The following CNTNAP3B variants were observed in gnomAD, a reference collection of about 807,000 sequenced individuals.
The protein encoded by CNTNAP3B is contactin associated protein family member 3B.
Under a neutral mutation model 108.9 loss-of-function variants are expected in CNTNAP3B, and 25 were observed. That is an observed-to-expected ratio of 0.23 (90% CI 0.17 to 0.32). The LOEUF is 0.32. Among genes scored for constraint, CNTNAP3B ranks in the 10% least tolerant of loss-of-function variants. The pLI, the probability that CNTNAP3B is intolerant of heterozygous loss-of-function variation, is 1.00. For missense variants in CNTNAP3B, 252 were observed against 1,210.4 expected, an observed-to-expected ratio of 0.21 and a Z score of 11.75; for synonymous variants, 103 against 473.4, an observed-to-expected ratio of 0.22 and a Z score of 10.16.
At chr9:41,963,623 C>A (rs1825173147) in intron 11 of CNTNAP3B, among the ~76,000 whole-genome samples, 1 of 151,670 alleles carries the variant, frequency 6.6e-6, no homozygotes, top group Admixed American at 6.6e-5. Context: ...GGGGCCCCAT[C>A]TCCAGCGATT....
chr9:42,106,384 C>A lies in CNTNAP3B; in HGVS notation c.86-1645G>T, dbSNP rs1194495041. Among the ~76,000 whole-genome samples, 3 of 87,700 alleles carry A rather than the reference C, an allele frequency of 3.4e-5. 1 individual carries two copies. Among genetic ancestry groups the A allele is most frequent in the African/African-American group, 1.3e-4 (3 of 22,660 alleles). The allele number at this position is 87,700 out of a possible 152,430, so 57.5% of individuals were successfully genotyped here. ...GACACTGGAATTTGTGATTTTTTTA[C>A]ATACAAAGAGCAGCATAATCTAGCT... On this transcript the variant is annotated intron_variant, in intron 1 of 23. Transcript: ENST00000377561.
chr9:42,034,300 G>A lies in CNTNAP3B; in HGVS notation c.391-20775C>T, dbSNP rs998485926. Reference sequence around the variant, plus strand: ...CTTTCCTCTACTCCTGAATGCCTTCGGCACCTCTCTCCAGGAAAGAGAAAT... The same window carrying A: ...CTTTCCTCTACTCCTGAATGCCTTCAGCACCTCTCTCCAGGAAAGAGAAAT... On this transcript the variant is annotated intron_variant, in intron 3 of 23. Coordinates refer to ENST00000377561, the MANE Select transcript of CNTNAP3B (RefSeq NM_001201380.3). Among the ~76,000 whole-genome samples, 107 of 110,988 alleles carry A rather than the reference G, an allele frequency of 9.6e-4. 3 individuals carry two copies. Among genetic ancestry groups the A allele is most frequent in the Non-Finnish European group, 1.6e-3 (88 of 54,974 alleles). The allele number at this position is 110,988 out of a possible 152,430, so 72.8% of individuals were successfully genotyped here. A position where few individuals can be genotyped will look rare whatever the true frequency, so the allele number is the denominator to read the frequency against.
chr9:41,925,794 CT>C (rs1167804361), intron 15 of CNTNAP3B, among the ~76,000 whole-genome samples: 12 of 151,996 alleles, frequency 7.9e-5, no homozygotes, highest in South Asian at 2.1e-4. Flanking sequence ...CCTTTTTCAG[CT>C]TTTTTTTTCC....
intron 2 of CNTNAP3B, among the ~76,000 whole-genome samples, chr9:42,096,499 G>C (rs1231539661): frequency 1.5e-5 from 2 of 136,266 alleles, no homozygotes; most frequent in Non-Finnish European, 3.1e-5. Flanking sequence ...TCTCTACACA[G>C]AGGACTCAAG....
At chr9:42,029,703 G>T (rs1170115827) in intron 3 of CNTNAP3B, among the ~76,000 whole-genome samples, 2 of 121,706 alleles carry the variant, frequency 1.6e-5, no homozygotes, top group Non-Finnish European at 3.4e-5. Context: ...GCTAATTGTT[G>T]TATTTTTGGT....
chr9:41,952,119 G>GA (rs1824707229), intron 13 of CNTNAP3B, among the ~76,000 whole-genome samples: 1 of 152,276 alleles, frequency 6.6e-6, no homozygotes, highest in African/African-American at 2.4e-5. Context: ...TGATTGGCCA[G>GA]ACGGACTAGG....
At chr9:41,947,963 A>G (rs1824572352) in intron 13 of CNTNAP3B, among the ~76,000 whole-genome samples, 1 of 151,472 alleles carries the variant, frequency 6.6e-6, no homozygotes, top group African/African-American at 2.4e-5. Context: ...ACCACAATTC[A>G]CCTAACATGA....
chr9:41,954,089 C>A (rs1311671465), intron 12 of CNTNAP3B, among the ~76,000 whole-genome samples: 2 of 152,194 alleles, frequency 1.3e-5, no homozygotes, highest in Non-Finnish European at 1.5e-5. Context: ...GTGTTCCCAA[C>A]AATGGACCTC....
intron 2 of CNTNAP3B, among the ~76,000 whole-genome samples, chr9:42,101,962 A>C (rs57179628): frequency 0.79 from 62,921 of 79,350 alleles, 29,380 homozygotes; most frequent in Non-Finnish European, 0.86. Context: ...GAGGCTGAGG[A>C]AGGTGAATCA....
chr9:42,061,428 C>T lies in CNTNAP3B; in HGVS notation c.390+15441G>A, dbSNP rs577269232. 2.1e-4 allele frequency among the ~76,000 whole-genome samples: 29 copies of T among 135,758 alleles called. 1 individual carries two copies. In the East Asian group the frequency reaches 4.6e-3, roughly 22 times the overall value. 89.1% of individuals were successfully genotyped at this position (135,758 alleles called of 152,430 possible). On this transcript the variant is annotated intron_variant, in intron 3 of 23. Transcript: ENST00000377561. Reference sequence around the variant, plus strand: ...TACCTCCTGGGCTCAAGCAATTCCCCTACCTCAGCCTCCCGAGTAGCTGGG... The same window carrying T: ...TACCTCCTGGGCTCAAGCAATTCCCTTACCTCAGCCTCCCGAGTAGCTGGG...
intron 14 of CNTNAP3B, among the ~76,000 whole-genome samples, chr9:41,935,927 C>T (rs530735430): frequency 5.2e-5 from 8 of 152,406 alleles, no homozygotes; most frequent in Non-Finnish European, 8.8e-5. Flanking sequence ...CTCAGTTCCT[C>T]CCATCCCCTC....
At chr9:41,955,647 G>T (rs1186145780) in intron 12 of CNTNAP3B, among the ~76,000 whole-genome samples, 1 of 152,276 alleles carries the variant, frequency 6.6e-6, no homozygotes, top group African/African-American at 2.4e-5. Context: ...TTGGACCTGA[G>T]TAGATTAATT....
intron 3 of CNTNAP3B, among the ~76,000 whole-genome samples, chr9:42,042,035 A>G (rs1293734572): frequency 3.1e-5 from 4 of 129,314 alleles, no homozygotes; most frequent in Non-Finnish European, 4.9e-5. Flanking sequence ...GAATTGAACA[A>G]TGAGAACACT....
At chr9:41,962,213 A>G (rs1825120233) in intron 11 of CNTNAP3B, among the ~76,000 whole-genome samples, 1 of 152,234 alleles carries the variant, frequency 6.6e-6, no homozygotes, top group Non-Finnish European at 1.5e-5. Context: ...GTTGCACATA[A>G]TTGATACATG....
chr9:41,969,640 C>A (rs1466051443), intron 10 of CNTNAP3B, among the ~76,000 whole-genome samples: 1 of 152,094 alleles, frequency 6.6e-6, no homozygotes, highest in East Asian at 1.9e-4. Flanking sequence ...TGTTTTGAGA[C>A]CGAGTCTCGC....
intron 1 of CNTNAP3B, among the ~76,000 whole-genome samples, chr9:42,114,149 G>A (rs1172163960): frequency 9.0e-6 from 1 of 111,056 alleles, no homozygotes; most frequent in African/African-American, 3.9e-5. Context: ...AGGCTATGGA[G>A]CATCTGGGAG....
intron 3 of CNTNAP3B, among the ~76,000 whole-genome samples, chr9:42,032,404 C>A (rs1380331671): frequency 8.4e-6 from 1 of 119,318 alleles, no homozygotes; most frequent in African/African-American, 3.6e-5. Context: ...ATGTAGCTCC[C>A]CATGATAATG....
rs1489670677 is a variant in CNTNAP3B, at chr9:42,113,873, A to G, written c.86-9134T>C. 4.3e-5 allele frequency among the ~76,000 whole-genome samples: 6 copies of G among 139,578 alleles called. 1 individual carries two copies. The highest frequency in any genetic ancestry group is 2.1e-4 in the Admixed American group (3 of 14,022). The allele number at this position is 139,578 out of a possible 152,430, so 91.6% of individuals were successfully genotyped here. A position where few individuals can be genotyped will look rare whatever the true frequency, so the allele number is the denominator to read the frequency against. ...ATTTTTCTTGATGCACTTATTTCACATTGCATGCCTGTATCAAAACATCTC... is the reference window on the plus strand; with the variant it reads ...ATTTTTCTTGATGCACTTATTTCACGTTGCATGCCTGTATCAAAACATCTC... On this transcript the variant is annotated intron_variant, in intron 1 of 23. Transcript: ENST00000377561.
chr9:42,106,988 T>C lies in CNTNAP3B; in HGVS notation c.86-2249A>G, dbSNP rs1389064799. On this transcript the variant is annotated intron_variant, in intron 1 of 23. Transcript: ENST00000377561. The stretch of plus-strand genomic sequence containing the variant: ...TAGAAAAGCATGATAGCTGTTCTCA[T>C]GATGCCTCTGTCCTGCAGTATCATG... Among the ~76,000 whole-genome samples, 4 of 91,276 alleles carry C rather than the reference T, an allele frequency of 4.4e-5. 2 individuals are homozygous for C. Among genetic ancestry groups the C allele is most frequent in the Non-Finnish European group, 9.1e-5 (4 of 44,020 alleles). The allele number at this position is 91,276 out of a possible 152,430, so 59.9% of individuals were successfully genotyped here.
Sources: gnomAD v4.1 joint callset for allele counts (sites outside exome capture counted in the v4.1 genomes callset) on GRCh38, gnomAD v4.1.1 for gene constraint, MANE v1.5 for transcripts, NCBI Gene and HGNC (gene_info 2026-07-23, HGNC 2026-07-21) for gene names.